Variants in SLC44A5 observed in about 807,000 individuals in gnomAD.
SLC44A5 encodes solute carrier family 44 member 5, also known as choline transporter-like protein 5.
Under a neutral mutation model 101.8 loss-of-function variants are expected in SLC44A5, and 57 were observed. That is an observed-to-expected ratio of 0.56 (90% confidence interval 0.45 to 0.70). The LOEUF is 0.70. SLC44A5 is among the 30% of genes least tolerant of loss of function. SLC44A5 has a pLI of 0.00. For synonymous variants in SLC44A5, 281 were observed against 290.9 expected, an observed-to-expected ratio of 0.97 and a Z score of 0.35; for missense variants, 737 against 853.1, an observed-to-expected ratio of 0.86 and a Z score of 1.70.
At chr1:75,533,898 G>T (rs957043195) in intron 2 of SLC44A5, among the ~76,000 whole-genome samples, 1 of 152,006 alleles carries the variant, frequency 6.6e-6, no homozygotes, top group Non-Finnish European at 1.5e-5. Context: ...TTTTCGAAAC[G>T]TCTTTAGGTA....
intron 14 of SLC44A5, among the ~76,000 whole-genome samples, chr1:75,221,793 G>GGTGTT (rs1647087041): frequency 6.6e-6 from 1 of 151,980 alleles, no homozygotes; most frequent in African/African-American, 2.4e-5. Flanking sequence ...TTCAAAAACT[G>GGTGTT]CTAATACGTA....
chr1:75,464,078 T>A (rs1666669687), intron 2 of SLC44A5, among the ~76,000 whole-genome samples: 1 of 151,750 alleles, frequency 6.6e-6, no homozygotes, highest in Non-Finnish European at 1.5e-5. Context: ...AAAAATTAGC[T>A]GGGCATGGTG....
At chr1:75,620,709 C>A in the SLC44A5 span, among the ~76,000 whole-genome samples, 1 of 151,886 alleles carries the variant, frequency 6.6e-6, no homozygotes, top group Non-Finnish European at 1.5e-5. Flanking sequence ...TATTTAAATT[C>A]TTTGTAGATT....
intron 2 of SLC44A5, among the ~76,000 whole-genome samples, chr1:75,462,190 T>C (rs1666540462): frequency 6.6e-6 from 1 of 152,152 alleles, no homozygotes; most frequent in African/African-American, 2.4e-5. Flanking sequence ...AGAACAAAGA[T>C]ATAAACTCTG....
chr1:75,720,742 G>A, the SLC44A5 span, among the ~76,000 whole-genome samples: 1 of 152,146 alleles, frequency 6.6e-6, no homozygotes, highest in African/African-American at 2.4e-5. Context: ...GCTCAGGGTG[G>A]TTGGGGTGCA....
At chr1:75,445,747 C>T (rs1159020224) in intron 2 of SLC44A5, among the ~76,000 whole-genome samples, 1 of 152,016 alleles carries the variant, frequency 6.6e-6, no homozygotes, top group Non-Finnish European at 1.5e-5. Flanking sequence ...CTTCCTCTGC[C>T]AGGAGCTCCA....
chr1:75,384,126 G>C lies in SLC44A5; in HGVS notation c.52+12457C>G, dbSNP rs528254356. ...CATGCCAAAATGTAAAGACCATCTA[G>C]ACTAGGAAGAAACTGCATGAACTAA... On this transcript the variant is annotated intron_variant, in intron 3 of 23. Coordinates refer to ENST00000370859, the MANE Select transcript of SLC44A5 (RefSeq NM_001130058.2). Among the ~76,000 whole-genome samples, 93 of 152,026 alleles carry C rather than the reference G, an allele frequency of 6.1e-4. 2 individuals carry two copies. The East Asian group carries it at 0.014, about 24-fold the overall frequency.
At chr1:75,614,608 A>G (rs1570748127), upstream of SLC44A5, among the ~76,000 whole-genome samples, 1 of 152,224 alleles carries the variant, frequency 6.6e-6, no homozygotes, top group African/African-American at 2.4e-5. Flanking sequence ...AGCAAAAAGC[A>G]CGCCAAAGCC....
At chr1:75,659,445 G>GAGGT in the SLC44A5 span, among the ~76,000 whole-genome samples, 1 of 13,166 alleles carries the variant, frequency 7.6e-5, no homozygotes, top group Admixed American at 8.4e-4. Flanking sequence ...GGGAGGGAGG[G>GAGGT]AAGGAAGGAA....
the SLC44A5 span, among the ~76,000 whole-genome samples, chr1:75,697,924 C>T: frequency 1.2e-4 from 18 of 152,292 alleles, no homozygotes; most frequent in South Asian, 3.1e-3. Flanking sequence ...CACTCCCAAC[C>T]GAATACTGTG....
chr1:75,500,254 CA>C (rs1416566872), intron 2 of SLC44A5, among the ~76,000 whole-genome samples: 1 of 152,162 alleles, frequency 6.6e-6, no homozygotes, highest in African/African-American at 2.4e-5. Flanking sequence ...AGTCATGCAT[CA>C]AAATGGACTA....
At chr1:75,351,923 G>C (rs952125895) in intron 3 of SLC44A5, among the ~76,000 whole-genome samples, 1 of 149,884 alleles carries the variant, frequency 6.7e-6, no homozygotes, top group Non-Finnish European at 1.5e-5. Context: ...TCATGGAAAG[G>C]CTCAATAAAG....
the SLC44A5 span, among the ~76,000 whole-genome samples, chr1:75,642,240 A>G: frequency 3.9e-5 from 6 of 152,170 alleles, no homozygotes; most frequent in East Asian, 1.2e-3. Flanking sequence ...TGATATTATG[A>G]TGACTTTTGG....
chr1:75,684,899 A>C, the SLC44A5 span, among the ~76,000 whole-genome samples: 1 of 151,970 alleles, frequency 6.6e-6, no homozygotes, highest in South Asian at 2.1e-4. Flanking sequence ...TGGGGCTCTG[A>C]CCCCACATTT....
chr1:75,682,516 A>G, the SLC44A5 span, among the ~76,000 whole-genome samples: 2 of 151,996 alleles, frequency 1.3e-5, no homozygotes, highest in Non-Finnish European at 2.9e-5. Context: ...AGGATTCCCT[A>G]TTTAATAAAT....
intron 3 of SLC44A5, among the ~76,000 whole-genome samples, chr1:75,343,788 T>C (rs944470687): frequency 6.6e-6 from 1 of 152,172 alleles, no homozygotes; most frequent in African/African-American, 2.4e-5. Context: ...GTGTTTTGTT[T>C]TATTTTTAAA....
intron 7 of SLC44A5, 36 bp downstream of exon 7, chr1:75,251,174 C>T (rs750384721): frequency 3.6e-5 from 53 of 1,480,432 alleles, no homozygotes; most frequent in East Asian, 9.1e-5. Flanking sequence ...ATGTTCAGAA[C>T]GGCTGACACT....
intron 6 of SLC44A5, among the ~76,000 whole-genome samples, chr1:75,266,975 GCACTATATTTTAGACTTAAAATAGCA>G (rs1651048264): frequency 6.6e-6 from 1 of 152,218 alleles, no homozygotes; most frequent in Non-Finnish European, 1.5e-5. Context: ...GAGATTGTCA[GCACTATATTTTAGACTTAAAATAGCA>G]CACTGCGCCG....
chr1:75,544,312 T>C (rs1671525339), intron 1 of SLC44A5, among the ~76,000 whole-genome samples: 2 of 152,180 alleles, frequency 1.3e-5, no homozygotes, highest in Admixed American at 1.3e-4. Flanking sequence ...ATCTTAGACT[T>C]CCCAGCCTTT....
Sources: gnomAD v4.1 joint callset for allele counts (sites outside exome capture counted in the v4.1 genomes callset) on GRCh38, gnomAD v4.1.1 for gene constraint, MANE v1.5 for transcripts, NCBI Gene and HGNC (gene_info 2026-07-23, HGNC 2026-07-21) for gene names.